The following SGSM1 variants were observed in gnomAD, a reference collection of about 807,000 sequenced individuals.
The protein encoded by SGSM1 is small G protein signaling modulator 1.
In SGSM1, 73 loss-of-function variants were observed where a neutral mutation model predicts 133.8. That is an observed-to-expected ratio of 0.55 (90% CI 0.45 to 0.66). The LOEUF (loss-of-function observed/expected upper bound fraction) is 0.66. SGSM1 is among the 30% of genes least tolerant of loss of function. The pLI is 0.00. For missense variants in SGSM1, 1,213 were observed against 1,448.1 expected, an observed-to-expected ratio of 0.84 and a Z score of 2.64; for synonymous variants, 563 against 573.0, an observed-to-expected ratio of 0.98 and a Z score of 0.25.
intron 9 of SGSM1, among the ~76,000 whole-genome samples, chr22:24,860,276 G>C (rs577072487): frequency 6.6e-6 from 1 of 152,132 alleles, no homozygotes; most frequent in African/African-American, 2.4e-5. Flanking sequence ...AAAGGCTTTC[G>C]AGTCACACTT....
At chr22:24,880,893 A>G (rs1169059305) in intron 14 of SGSM1, among the ~76,000 whole-genome samples, 1 of 152,210 alleles carries the variant, frequency 6.6e-6, no homozygotes, top group Non-Finnish European at 1.5e-5. Flanking sequence ...TACCCCATCT[A>G]TAAGATGGAA....
At chr22:24,865,077 G>C (rs1931371467) in intron 9 of SGSM1, among the ~76,000 whole-genome samples, 1 of 152,186 alleles carries the variant, frequency 6.6e-6, no homozygotes, top group African/African-American at 2.4e-5. Flanking sequence ...AGGGCTGTTG[G>C]TGTCATTTTC....
At chr22:24,852,798 A>G (rs139676) in intron 5 of SGSM1, among the ~76,000 whole-genome samples, 67,796 of 151,842 alleles carry the variant, frequency 0.45, 20,126 homozygotes, top group African/African-American at 0.85. Context: ...GCATGTTCAA[A>G]GTTTTTGATC....
At chr22:24,821,982 TAGGCTTAGACAAATGTCTG>T (rs898653466) in intron 2 of SGSM1, among the ~76,000 whole-genome samples, 2 of 152,154 alleles carry the variant, frequency 1.3e-5, no homozygotes, top group African/African-American at 2.4e-5. Context: ...GTGCGTTGTG[TAGGCTTAGACAAATGTCTG>T]AGGGCATGCA....
In SGSM1 at chr22:24,840,134, C is replaced by T. The variant is rs552211910; in HGVS notation, c.64-4763C>T. 9.9e-5 allele frequency among the ~76,000 whole-genome samples: 15 copies of T among 151,792 alleles called. No homozygotes were observed. The South Asian group carries it at 1.5e-3, about 15-fold the overall frequency. On this transcript the variant is annotated intron_variant, in intron 2 of 24. Coordinates refer to ENST00000400358, the MANE Select transcript of SGSM1 (RefSeq NM_001098497.3). ...ATTTTTTGTATTTTTTTAGTAGAGA[C>T]GGGGTTTCACTGTGTTAGCCAGGAT...
chr22:24,917,516 A>G (rs1569179431), intron 22 of SGSM1, 142 bp from the exon 23 acceptor site: 1 of 563,316 alleles, frequency 1.8e-6, no homozygotes, highest in Non-Finnish European at 3.1e-6. Flanking sequence ...GTCTATTCAG[A>G]TCTTTTCCCA....
chr22:24,922,370 T>C (rs1375639527), intron 24 of SGSM1, among the ~76,000 whole-genome samples: 1 of 151,622 alleles, frequency 6.6e-6, no homozygotes, highest in Non-Finnish European at 1.5e-5. Context: ...TTAGTAGAGA[T>C]GGGGTTTCAC....
At chr22:24,810,145 G>A (rs1003141301) in intron 2 of SGSM1, among the ~76,000 whole-genome samples, 9 of 152,122 alleles carry the variant, frequency 5.9e-5, no homozygotes, top group African/African-American at 1.2e-4. Flanking sequence ...GGAGGACATC[G>A]AGAACAGGGA....
At chr22:24,834,136 C>G (rs1296760614) in intron 2 of SGSM1, among the ~76,000 whole-genome samples, 1 of 152,238 alleles carries the variant, frequency 6.6e-6, no homozygotes, top group Non-Finnish European at 1.5e-5. Flanking sequence ...CTCCAAGGAA[C>G]AGGATGTTGG....
intron 13 of SGSM1, among the ~76,000 whole-genome samples, chr22:24,879,025 T>C (rs1460890716): frequency 6.6e-6 from 1 of 152,210 alleles, no homozygotes; most frequent in Non-Finnish European, 1.5e-5. Context: ...GTGCTTCCTA[T>C]GCAGTGGCAA....
intron 2 of SGSM1, among the ~76,000 whole-genome samples, chr22:24,835,520 A>G (rs972641677): frequency 7.9e-5 from 12 of 152,128 alleles, no homozygotes; most frequent in Admixed American, 2.0e-4. Context: ...GTGAAGGACT[A>G]TGGAGAGAAA....
At position 24,889,662 on chromosome 22, in the gene SGSM1, T is replaced by G. The variant is rs563930609; in HGVS notation, c.1770+2934T>G. ...GGCCTGGCCTTAAATTGATTTTTTT[T>G]TTTTTGAGATAGAGTCTTGCTGTGT... On this transcript the variant is annotated intron_variant, in intron 16 of 24. Coordinates refer to ENST00000400358, the MANE Select transcript of SGSM1 (RefSeq NM_001098497.3). 3.3e-5 allele frequency among the ~76,000 whole-genome samples: 5 copies of G among 150,804 alleles called. No individual in the cohort carries two copies. The East Asian group carries it at 9.8e-4, about 29-fold the overall frequency.
In SGSM1 at chr22:24,876,676, C is replaced by T. The variant is rs748112548; in HGVS notation, c.1391C>T (p.Ser464Leu). The change falls in exon 13 of 25, where the codon TCG (serine) becomes TTG (leucine). Residue 464 changes from serine to leucine, a missense_variant. Transcript: ENST00000400358. ...SSCSSCSQSG[S>L]ADGSSTNGCN... is the part of the protein sequence containing the mutation. ...TGTTCATCCTGTTCACAGAGTGGCT[C>T]GGCTGATGGTAGCTCGACCAATGGC... The T allele has an allele frequency of 5.5e-5, 88 of 1,613,814 alleles. No individual in the cohort carries two copies. The East Asian group carries it at 5.8e-4, about 11-fold the overall frequency.
intron 15 of SGSM1, among the ~76,000 whole-genome samples, chr22:24,884,728 A>G (rs1479896767): frequency 2.6e-5 from 4 of 152,210 alleles, no homozygotes; most frequent in Non-Finnish European, 5.9e-5. Flanking sequence ...TTCCAACACC[A>G]TCACTTCCCA....
rs539983491 is a variant in SGSM1, at chr22:24,905,647, G to A, written c.2818+460G>A. On this transcript the variant is annotated intron_variant, in intron 21 of 24. Coordinates refer to ENST00000400358, the MANE Select transcript of SGSM1 (RefSeq NM_001098497.3). ...CTAAAAATTAAAAAAAAATTAGCCA[G>A]GCGTGGTGGCAGGCACCTGTAGTCC... 6.6e-5 allele frequency among the ~76,000 whole-genome samples: 10 copies of A among 152,022 alleles called. No homozygotes were observed. In the South Asian group the frequency reaches 1.9e-3, roughly 29 times the overall value.
chr22:24,921,237 T>A (rs1933996651), intron 24 of SGSM1, among the ~76,000 whole-genome samples: 1 of 151,964 alleles, frequency 6.6e-6, no homozygotes, highest in Non-Finnish European at 1.5e-5. Flanking sequence ...GTAGCTGGGA[T>A]TACAGACACG....
chr22:24,923,262 C>T (rs952341647), intron 24 of SGSM1, among the ~76,000 whole-genome samples: 2 of 150,192 alleles, frequency 1.3e-5, no homozygotes, highest in Admixed American at 6.7e-5. Context: ...CTCGAAATAC[C>T]CAAATACTCC....
intron 2 of SGSM1, among the ~76,000 whole-genome samples, chr22:24,827,675 C>G (rs1043838190): frequency 4.6e-5 from 7 of 152,056 alleles, no homozygotes; most frequent in African/African-American, 1.7e-4. Flanking sequence ...GTGTCAGGCA[C>G]CATCTCCAGG....
intron 12 of SGSM1, among the ~76,000 whole-genome samples, chr22:24,875,961 A>G (rs1041416374): frequency 5.3e-5 from 8 of 152,340 alleles, no homozygotes; most frequent in African/African-American, 1.9e-4. Context: ...CTCTGTCTCT[A>G]GGATTTAGTT....
Sources: allele counts gnomAD v4.1 joint callset (sites outside exome capture counted in the v4.1 genomes callset), GRCh38; gene constraint gnomAD v4.1.1; transcripts MANE v1.5; gene names NCBI Gene and HGNC (gene_info 2026-07-23, HGNC 2026-07-21).